Variants in L3MBTL3 observed in about 807,000 individuals in gnomAD.
L3MBTL3 encodes the protein L3MBTL histone methyl-lysine binding protein 3.
L3MBTL3 carries 27 observed loss-of-function variants against 102.3 expected under a neutral mutation model. The ratio of observed to expected loss-of-function variants is 0.26; its 90% confidence interval spans 0.19 to 0.36. The LOEUF (loss-of-function observed/expected upper bound fraction) is 0.36. Ranked by LOEUF, L3MBTL3 falls within the 10% of genes least tolerant of loss-of-function variation. The probability of loss-of-function intolerance (pLI) is 1.00; values close to 1 mark genes in which losing one functional copy is unlikely to be tolerated. For missense variants in L3MBTL3, 798 were observed against 955.3 expected, an observed-to-expected ratio of 0.84 and a Z score of 2.17; for synonymous variants, 340 against 320.9, an observed-to-expected ratio of 1.06 and a Z score of -0.64.
chr6:130,078,113 A>G (rs1783075967), intron 13 of L3MBTL3, among the ~76,000 whole-genome samples: 1 of 152,204 alleles, frequency 6.6e-6, no homozygotes. Flanking sequence ...CTAATGGGTA[A>G]CAGAAATAGC....
intron 3 of L3MBTL3, among the ~76,000 whole-genome samples, chr6:130,047,535 T>C (rs1196290144): frequency 6.6e-6 from 1 of 152,230 alleles, no homozygotes; most frequent in African/African-American, 2.4e-5. Context: ...CATGGGAGAC[T>C]TTCTGTTTAA....
chr6:130,034,166 G>C (rs1312914044), intron 2 of L3MBTL3, among the ~76,000 whole-genome samples: 2 of 152,182 alleles, frequency 1.3e-5, no homozygotes, highest in Non-Finnish European at 2.9e-5. Flanking sequence ...ACTCCTGGCA[G>C]ATAGGAGCAA....
chr6:130,068,199 T>G, intron 11 of L3MBTL3, 131 bp from the exon 12 acceptor site: 1 of 573,380 alleles, frequency 1.7e-6, no homozygotes, highest in Non-Finnish European at 3.2e-6. Flanking sequence ...TTATGAATTA[T>G]GAGTTAAATT....
chr6:130,022,026 G>A (rs1184630981), intron 1 of L3MBTL3, among the ~76,000 whole-genome samples: 1 of 152,204 alleles, frequency 6.6e-6, no homozygotes, highest in African/African-American at 2.4e-5. Context: ...TTTAGGACAT[G>A]GGAATGATAC....
intron 2 of L3MBTL3, among the ~76,000 whole-genome samples, chr6:130,037,857 A>G (rs749100413): frequency 6.6e-6 from 1 of 152,158 alleles, no homozygotes; most frequent in Non-Finnish European, 1.5e-5. Flanking sequence ...CCCCTGTGCT[A>G]TAGAATACTA....
chr6:130,029,650 A>C (rs1779587532), intron 2 of L3MBTL3, among the ~76,000 whole-genome samples: 1 of 152,070 alleles, frequency 6.6e-6, no homozygotes, highest in African/African-American at 2.4e-5. Context: ...CCTGCTGCCC[A>C]CCTTTCCTGT....
At chr6:130,122,820 A>G (rs1222367694) in intron 20 of L3MBTL3, among the ~76,000 whole-genome samples, 2 of 152,194 alleles carry the variant, frequency 1.3e-5, no homozygotes, top group East Asian at 3.8e-4. Flanking sequence ...CAAAGTACCT[A>G]ACCTGTTTGT....
At chr6:130,108,207 TA>T (rs1785102141) in intron 19 of L3MBTL3, among the ~76,000 whole-genome samples, 1 of 147,698 alleles carries the variant, frequency 6.8e-6, no homozygotes, top group Non-Finnish European at 1.5e-5. Flanking sequence ...AAGCCCTCAA[TA>T]AATGTTAGGT....
intron 19 of L3MBTL3, among the ~76,000 whole-genome samples, chr6:130,111,412 C>T (rs1785339326): frequency 6.6e-6 from 1 of 152,160 alleles, no homozygotes. Context: ...GCAGGCCAAG[C>T]AGCCAGAGCC....
intron 20 of L3MBTL3, among the ~76,000 whole-genome samples, chr6:130,126,112 CCT>C (rs1156742666): frequency 6.6e-6 from 1 of 151,662 alleles, no homozygotes; most frequent in Non-Finnish European, 1.5e-5. Context: ...TCCCTCCCTC[CCT>C]CCCTCTCTTT....
At chr6:130,037,466 C>G (rs1297875424) in intron 2 of L3MBTL3, among the ~76,000 whole-genome samples, 1 of 151,668 alleles carries the variant, frequency 6.6e-6, no homozygotes, top group Non-Finnish European at 1.5e-5. Context: ...ACTTTATAGG[C>G]AGTCGATATC....
chr6:130,075,538 G>A (rs1782896441), intron 13 of L3MBTL3, among the ~76,000 whole-genome samples: 1 of 152,102 alleles, frequency 6.6e-6, no homozygotes, highest in Non-Finnish European at 1.5e-5. Flanking sequence ...GGTGTCGTGG[G>A]GATTAAAATA....
chr6:130,074,921 G>A (rs1782857426), intron 13 of L3MBTL3, among the ~76,000 whole-genome samples: 1 of 152,178 alleles, frequency 6.6e-6, no homozygotes, highest in South Asian at 2.1e-4. Flanking sequence ...TAAGTGTAGT[G>A]TAAACTTTTT....
chr6:130,019,878 C>CGGGCCGGGCCGGG (rs1778834564), intron 1 of L3MBTL3, among the ~76,000 whole-genome samples: 1 of 138,090 alleles, frequency 7.2e-6, no homozygotes, highest in South Asian at 2.2e-4. Context: ...GCGCGGGCCG[C>CGGGCCGGGCCGGG]GGGCCGGGCC....
At chr6:130,095,979 A>C (rs1264394552) in intron 18 of L3MBTL3, among the ~76,000 whole-genome samples, 1 of 152,216 alleles carries the variant, frequency 6.6e-6, no homozygotes, top group East Asian at 1.9e-4. Context: ...AAACTCAGTA[A>C]ATATTTTCGA....
intron 10 of L3MBTL3, among the ~76,000 whole-genome samples, chr6:130,060,563 A>G (rs1468987240): frequency 6.6e-6 from 1 of 152,074 alleles, no homozygotes; most frequent in East Asian, 1.9e-4. Context: ...TCAGTCTAAT[A>G]TATTACTGAG....
chr6:130,094,360 C>T lies in L3MBTL3; in HGVS notation c.1729C>T (p.Pro577Ser), dbSNP rs1784233417. The T allele has an allele frequency of 1.2e-6, 2 of 1,612,402 alleles. No homozygotes were observed. The highest frequency in any genetic ancestry group is 1.7e-6 in the Non-Finnish European group (2 of 1,178,714). Residue 577 changes from proline (P) to serine (S), a missense_variant, in exon 18 of 23, where the codon CCT (proline) becomes TCT (serine). Coordinates refer to ENST00000361794, the MANE Select transcript of L3MBTL3 (RefSeq NM_032438.4). Reference protein sequence around the residue: ...GHFKRARHLGPHSAANCPYSE... With the variant: ...GHFKRARHLGSHSAANCPYSE... ...TTTCAAGAGAGCGAGACATCTGGGC[C>T]CTCACAGGTATGTGGTAGCTGTCAC...
At chr6:130,102,134 T>C (rs991869570) in intron 18 of L3MBTL3, among the ~76,000 whole-genome samples, 7 of 152,074 alleles carry the variant, frequency 4.6e-5, no homozygotes, top group South Asian at 2.1e-4. Context: ...ACCACCAAGT[T>C]CTTCAAGCCA....
At chr6:130,062,194 A>G (rs1006935997) in intron 10 of L3MBTL3, among the ~76,000 whole-genome samples, 1 of 152,174 alleles carries the variant, frequency 6.6e-6, no homozygotes, top group Non-Finnish European at 1.5e-5. Flanking sequence ...AACTTCAACT[A>G]TTAATAGTGT....
Sources: allele counts gnomAD v4.1 joint callset (sites outside exome capture counted in the v4.1 genomes callset), GRCh38; gene constraint gnomAD v4.1.1; transcripts MANE v1.5; gene names NCBI Gene and HGNC (gene_info 2026-07-23, HGNC 2026-07-21).